The following ABCA12 variants were observed in gnomAD, a reference collection of about 807,000 sequenced individuals.
ABCA12 encodes the protein glucosylceramide transporter ABCA12.
Under a neutral mutation model 293.5 loss-of-function variants are expected in ABCA12, and 156 were observed. That is an observed-to-expected ratio of 0.53 (90% confidence interval 0.47 to 0.61). The LOEUF is 0.61. ABCA12 is among the 20% of genes least tolerant of loss of function. The pLI is 0.00. For synonymous variants in ABCA12, 1,063 were observed against 1,108.0 expected, an observed-to-expected ratio of 0.96 and a Z score of 0.81; for missense variants, 2,797 against 3,090.2, an observed-to-expected ratio of 0.91 and a Z score of 2.25.
In ABCA12 at chr2:214,949,082, A is replaced by ATGTC. The variant is rs1698670544; in HGVS notation, c.6916_6919dup (p.Ile2307ArgfsTer14). On this transcript the variant is annotated frameshift_variant, in exon 46 of 53. Coordinates refer to ENST00000272895, the MANE Select transcript of ABCA12 (RefSeq NM_173076.3). LOFTEE classifies it high-confidence loss of function. ...CAGAATGTTTCCACTTGAAGGAATGATGTCTCCTGTCAGCATCTTGAATAT... is the reference window on the plus strand; with the variant it reads ...CAGAATGTTTCCACTTGAAGGAATGATGTCTGTCTCCTGTCAGCATCTTGAATAT... The ATGTC allele has an allele frequency of 6.2e-7, 1 of 1,613,884 alleles. No homozygotes were observed. The highest frequency in any genetic ancestry group is 2.2e-5 in the East Asian group (1 of 44,844).
intron 18 of ABCA12, among the ~76,000 whole-genome samples, 158 bp from the exon 19 acceptor site, chr2:215,008,004 G>T (rs747841204): frequency 3.3e-5 from 5 of 152,174 alleles, no homozygotes; most frequent in Non-Finnish European, 7.3e-5. Context: ...ATGGTCAAAA[G>T]TTTCAAATGA....
At chr2:215,126,737 C>CA (rs2105913354) in intron 1 of ABCA12, among the ~76,000 whole-genome samples, 2 of 152,002 alleles carry the variant, frequency 1.3e-5, no homozygotes, top group East Asian at 1.9e-4. Context: ...TTTATCTTTT[C>CA]AAAAAACCAG....
At chr2:215,007,641 C>A in intron 19 of ABCA12, 86 bp downstream of exon 19, 2 of 1,522,570 alleles carry the variant, frequency 1.3e-6, no homozygotes, top group Non-Finnish European at 1.8e-6. Flanking sequence ...CGGAAAGTTA[C>A]CCCCTTCCCG....
intron 2 of ABCA12, among the ~76,000 whole-genome samples, chr2:215,074,099 TG>T (rs1701789516): frequency 6.6e-6 from 1 of 152,178 alleles, no homozygotes; most frequent in South Asian, 2.1e-4. Context: ...AGGGTAGCAT[TG>T]GATAATAACC....
At chr2:214,945,260 G>A (rs1698546599) in intron 48 of ABCA12, among the ~76,000 whole-genome samples, 156 bp from the exon 49 acceptor site, 1 of 152,142 alleles carries the variant, frequency 6.6e-6, no homozygotes, top group Non-Finnish European at 1.5e-5. Context: ...TTCTGCTGCT[G>A]TCAAAAAGTT....
chr2:214,956,759 A>G lies in ABCA12; in HGVS notation c.6137T>C (p.Val2046Ala). 6.2e-7 allele frequency: 1 copy of G among 1,613,046 alleles called. No homozygotes were observed. The highest frequency in any genetic ancestry group is 8.5e-7 in the Non-Finnish European group (1 of 1,179,156). ...CGCAATGATACCAATTGAAAACGCT[A>G]CAGGCACCAAGTAGAAAACCTATGG... ...IYDMVFYLVP[V>A]AFSIGIIAIF... is the part of the protein sequence containing the mutation. The change falls in exon 42 of 53, where the codon GTA becomes GCA. Residue 2046 changes from valine to alanine, a missense_variant. Physicochemically the swap from Val to Ala is moderately conservative, Grantham distance 64. Coordinates refer to ENST00000272895, the MANE Select transcript of ABCA12 (RefSeq NM_173076.3).
chr2:214,966,778 A>G, intron 39 of ABCA12, 70 bp downstream of exon 39: 5 of 1,414,786 alleles, frequency 3.5e-6, no homozygotes, highest in Middle Eastern at 1.8e-4. Context: ...GAAACAGGAT[A>G]TAAAGTGCAT....
chr2:215,070,392 T>C (rs577866989), intron 2 of ABCA12, among the ~76,000 whole-genome samples: 1 of 152,012 alleles, frequency 6.6e-6, no homozygotes, highest in Non-Finnish European at 1.5e-5. Context: ...TTTAAATGTT[T>C]TTATTATTAT....
chr2:215,033,741 A>G (rs1462833735), intron 8 of ABCA12, among the ~76,000 whole-genome samples: 1 of 152,054 alleles, frequency 6.6e-6, no homozygotes, highest in Non-Finnish European at 1.5e-5. Context: ...GGAGATCGAG[A>G]TCATCCTGGC....
At chr2:215,081,545 A>G (rs1473590461) in intron 2 of ABCA12, among the ~76,000 whole-genome samples, 1 of 151,798 alleles carries the variant, frequency 6.6e-6, no homozygotes, top group African/African-American at 2.4e-5. Context: ...AAGAAAAGAA[A>G]CAAACAAAAA....
At chr2:214,976,961 T>A (rs1391995693) in intron 33 of ABCA12, among the ~76,000 whole-genome samples, 2 of 152,196 alleles carry the variant, frequency 1.3e-5, no homozygotes, top group African/African-American at 4.8e-5. Flanking sequence ...ATATTTTAAG[T>A]TTTCCATCAG....
At chr2:215,134,936 C>G (rs1047950371) in intron 1 of ABCA12, among the ~76,000 whole-genome samples, 3 of 151,872 alleles carry the variant, frequency 2.0e-5, no homozygotes, top group African/African-American at 7.3e-5. Flanking sequence ...GCCACTGCAC[C>G]TGGCCAGCAT....
chr2:215,046,118 G>T, intron 6 of ABCA12, 103 bp from the exon 7 acceptor site: 1 of 1,232,198 alleles, frequency 8.1e-7, no homozygotes. Flanking sequence ...TTTCACATAA[G>T]CAATTCTTTT....
rs762065937 is a variant in ABCA12 at position 215,064,204 on chromosome 2, C to G, written c.179G>C (p.Arg60Pro). 8.1e-6 allele frequency: 13 copies of G among 1,612,264 alleles called. No homozygotes were observed. Among genetic ancestry groups the G allele is most frequent in the Non-Finnish European group, 1.1e-5 (13 of 1,178,992 alleles). ...TAKPTCYLAPRNLPSTGFFPF... is the reference protein window; with the variant it reads ...TAKPTCYLAPPNLPSTGFFPF... ...AAAGAATCCAGTACTAGGAAGGTTT[C>G]GAGGTGCGAGGTAACCTAAAATTAA... Residue 60 changes from arginine to proline, a missense_variant, in exon 3 of 53, where the codon CGA becomes CCA. This residue lies in a region of ABCA12 where 656 missense variants were observed against 638.2 expected (regional missense o/e 1.03). Coordinates refer to ENST00000272895, the MANE Select transcript of ABCA12 (RefSeq NM_173076.3).
chr2:215,023,891 T>G (rs1700683979), intron 11 of ABCA12, among the ~76,000 whole-genome samples: 1 of 152,194 alleles, frequency 6.6e-6, no homozygotes, highest in East Asian at 1.9e-4. Flanking sequence ...AATTTCACCT[T>G]CTTCAAATTT....
At chr2:214,949,271 T>C in intron 45 of ABCA12, 122 bp from the exon 46 acceptor site, 1 of 758,076 alleles carries the variant, frequency 1.3e-6, no homozygotes, top group South Asian at 1.5e-5. Flanking sequence ...TCTCTGGAAT[T>C]ATTCATGGAT....
At chr2:215,006,216 T>C (rs74392187) in intron 19 of ABCA12, among the ~76,000 whole-genome samples, 1 of 152,156 alleles carries the variant, frequency 6.6e-6, no homozygotes, top group Non-Finnish European at 1.5e-5. Context: ...AAACTTTTCT[T>C]AAGAAAATCA....
chr2:214,949,176 T>C (rs73088462), intron 45 of ABCA12, 27 bp from the exon 46 acceptor site: 3 of 1,537,446 alleles, frequency 2.0e-6, no homozygotes, highest in South Asian at 2.2e-5. Flanking sequence ...AAAGAAGATA[T>C]AAGCCTTAAT....
In ABCA12 at chr2:214,980,586, C is replaced by T. The variant is rs1274612827; in HGVS notation, c.4637G>A (p.Arg1546His). 6 of 1,614,056 alleles carry T rather than the reference C, an allele frequency of 3.7e-6. No homozygotes were observed. The highest frequency in any genetic ancestry group is 2.7e-5 in the African/African-American group (2 of 75,028). ...HLDEAEVLSD[R>H]IAFLEQGGLR... The stretch of plus-strand genomic sequence containing the variant: ...CCCACCCTGCTCCAGGAAGGCGATG[C>T]GGTCACTCAGCACTTCAGCCTCGTC... Residue 1546 changes from arginine to histidine, a missense_variant, in exon 31 of 53, where the codon CGC (arginine) becomes CAC (histidine). Arg to His is a conservative substitution (Grantham distance 29). This residue lies in a region of ABCA12 where 2,130 missense variants were observed against 2,427.0 expected (regional missense o/e 0.88). Transcript: ENST00000272895.
Sources: allele counts gnomAD v4.1 joint callset (sites outside exome capture counted in the v4.1 genomes callset), GRCh38; gene constraint gnomAD v4.1.1; regional missense constraint gnomAD v4.1.1; transcripts MANE v1.5; gene names NCBI Gene and HGNC (gene_info 2026-07-23, HGNC 2026-07-21).